The following FAT3 variants were observed in gnomAD, a reference collection of about 807,000 sequenced individuals.
FAT3 encodes the protein protocadherin Fat 3.
A neutral mutation model predicts 310.2 loss-of-function variants in FAT3; 95 were observed. The ratio of observed to expected loss-of-function variants is 0.31; its 90% CI spans 0.26 to 0.36. The LOEUF (loss-of-function observed/expected upper bound fraction) is 0.36, where lower values mean the gene tolerates loss of function less well. FAT3 is among the 10% of genes least tolerant of loss of function. The pLI is 1.00. For synonymous variants in FAT3, 2,314 were observed against 2,192.9 expected (o/e 1.06, Z -1.54); for missense variants, 5,408 against 5,715.6 (o/e 0.95, Z 1.74).
At chr11:92,569,852 A>T (rs1360394381) in intron 3 of FAT3, among the ~76,000 whole-genome samples, 1 of 152,138 alleles carries the variant, frequency 6.6e-6, no homozygotes, top group Non-Finnish European at 1.5e-5. Context: ...TCAGTGGCTC[A>T]TCTCAGTAAT....
intron 17 of FAT3, 21 bp downstream of exon 17, chr11:92,837,827 A>G (rs769145052): frequency 1.2e-6 from 2 of 1,613,816 alleles, no homozygotes. Context: ...CTTGCCTGCC[A>G]AGCACTTGTC....
chr11:92,300,193 C>T (rs1436877983), intron 1 of FAT3, among the ~76,000 whole-genome samples: 3 of 152,116 alleles, frequency 2.0e-5, no homozygotes, highest in African/African-American at 7.2e-5. Flanking sequence ...ATGTCATGCA[C>T]TTACATGTCA....
intron 3 of FAT3, among the ~76,000 whole-genome samples, chr11:92,664,522 T>C (rs534464669): frequency 7.2e-5 from 11 of 152,308 alleles, no homozygotes; most frequent in Non-Finnish European, 1.5e-4. Flanking sequence ...TTGCCTTTTG[T>C]TATTCTATAA....
At chr11:92,576,099 A>T (rs1176404936) in intron 3 of FAT3, among the ~76,000 whole-genome samples, 1 of 152,150 alleles carries the variant, frequency 6.6e-6, no homozygotes, top group Non-Finnish European at 1.5e-5. Context: ...CTGGGACTGG[A>T]TTCTGAAACA....
At chr11:92,668,824 G>A (rs908800932) in intron 3 of FAT3, among the ~76,000 whole-genome samples, 26 of 152,260 alleles carry the variant, frequency 1.7e-4, no homozygotes, top group African/African-American at 5.1e-4. Flanking sequence ...CACCTTCTAA[G>A]CTTTAATATT....
At chr11:92,414,934 C>T (rs1435820402) in intron 2 of FAT3, among the ~76,000 whole-genome samples, 1 of 151,646 alleles carries the variant, frequency 6.6e-6, no homozygotes, top group Non-Finnish European at 1.5e-5. Context: ...GGCATGAACC[C>T]GGGAGGCGGA....
chr11:92,315,508 T>TAGAGAGAGAGAGAG (rs1456432670), intron 1 of FAT3, among the ~76,000 whole-genome samples: 17 of 83,352 alleles, frequency 2.0e-4, no homozygotes, highest in South Asian at 4.4e-4. Context: ...TATATATATA[T>TAGAGAGAGAGAGAG]ATATAGAGAG....
chr11:92,804,010 G>A (rs1431521892), intron 10 of FAT3, among the ~76,000 whole-genome samples: 1 of 152,182 alleles, frequency 6.6e-6, no homozygotes, highest in African/African-American at 2.4e-5. Context: ...TCTTCAGTAG[G>A]ACCCCGATAT....
chr11:92,365,919 T>C (rs1473862895), intron 2 of FAT3, among the ~76,000 whole-genome samples: 1 of 152,248 alleles, frequency 6.6e-6, no homozygotes, highest in Non-Finnish European at 1.5e-5. Context: ...TTGGATTATT[T>C]ATATACACTA....
chr11:92,398,500 CA>C (rs35977408), intron 2 of FAT3, among the ~76,000 whole-genome samples: 5,307 of 80,622 alleles, frequency 0.066, 57 homozygotes, highest in African/African-American at 0.073. Flanking sequence ...AACTCCGTCC[CA>C]AAAAAAAAAA....
chr11:92,559,578 A>G (rs956737677), intron 3 of FAT3: 52 of 222,752 alleles, frequency 2.3e-4, no homozygotes, highest in African/African-American at 1.2e-3. Flanking sequence ...GAGTCTCACT[A>G]TGTTGCCCAA....
At chr11:92,410,438 G>T (rs958228688) in intron 2 of FAT3, among the ~76,000 whole-genome samples, 7 of 152,230 alleles carry the variant, frequency 4.6e-5, no homozygotes, top group Non-Finnish European at 1.0e-4. Flanking sequence ...TTTGTGGAAG[G>T]GTGGAGCTTT....
chr11:92,636,481 A>G (rs1405925649), intron 3 of FAT3, among the ~76,000 whole-genome samples: 2 of 152,230 alleles, frequency 1.3e-5, no homozygotes, highest in African/African-American at 4.8e-5. Flanking sequence ...TTACTGGGTC[A>G]GGGACACATG....
chr11:92,236,805 G>A (rs1430496811), intron 1 of FAT3, among the ~76,000 whole-genome samples: 1 of 152,148 alleles, frequency 6.6e-6, no homozygotes, highest in East Asian at 1.9e-4. Context: ...TTTCTGGCGA[G>A]ATTTACTGAA....
chr11:92,293,552 A>AT (rs1565206839), intron 1 of FAT3, among the ~76,000 whole-genome samples: 1,745 of 17,870 alleles, frequency 0.098, 88 homozygotes, highest in African/African-American at 0.27. Flanking sequence ...ATATATATAT[A>AT]AATAAAATAT....
intron 2 of FAT3, among the ~76,000 whole-genome samples, chr11:92,371,371 A>ATCTTGGGACTTCAGACATTT (rs371286173): frequency 0.011 from 1,633 of 152,282 alleles, 32 homozygotes; most frequent in African/African-American, 0.038. Context: ...TGAAGGCTTA[A>ATCTTGGGACTTCAGACATTT]TCTTGGGACT....
At chr11:92,286,928 C>T (rs1458211) in intron 1 of FAT3, among the ~76,000 whole-genome samples, 106,324 of 152,088 alleles carry the variant, frequency 0.7, 37,386 homozygotes, top group African/African-American at 0.77. Flanking sequence ...CTTTAAGAAG[C>T]TGCCCTTTGA....
chr11:92,374,791 A>G (rs1044216901), intron 2 of FAT3, among the ~76,000 whole-genome samples: 1 of 152,210 alleles, frequency 6.6e-6, no homozygotes, highest in South Asian at 2.1e-4. Flanking sequence ...TTGTATGCAT[A>G]TATCCCATCT....
At chr11:92,863,012 G>A (rs886134503) in intron 21 of FAT3, among the ~76,000 whole-genome samples, 9 of 152,080 alleles carry the variant, frequency 5.9e-5, no homozygotes, top group African/African-American at 1.9e-4. Flanking sequence ...AAATTCAGAG[G>A]GCTGGGATGA....
Sources: gnomAD v4.1 joint callset for allele counts (sites outside exome capture counted in the v4.1 genomes callset) on GRCh38, gnomAD v4.1.1 for gene constraint, MANE v1.5 for transcripts, NCBI Gene and HGNC (gene_info 2026-07-23, HGNC 2026-07-21) for gene names.